SHF: variants seen among roughly 807,000 people sequenced by gnomAD.
SHF encodes the protein Src homology 2 domain containing F, also known as SH2 domain-containing adapter protein F.
Under a neutral mutation model 42.4 loss-of-function variants are expected in SHF, and 30 were observed. The observed-to-expected ratio is 0.71, with a 90% confidence interval of 0.53 to 0.96. The LOEUF is 0.96. Among genes scored for constraint, SHF ranks in the 40% least tolerant of loss-of-function variants. The probability of loss-of-function intolerance (pLI) is 0.00; values close to 1 mark genes in which losing one functional copy is unlikely to be tolerated. For synonymous variants in SHF, 264 were observed against 269.9 expected (o/e 0.98, Z 0.21); for missense variants, 598 against 634.0 (o/e 0.94, Z 0.61).
Position 45,175,330 on chromosome 15 carries a change from C to G in SHF, c.736G>C (p.Gly246Arg), listed in dbSNP as rs1405643471. 2 of 1,604,142 alleles carry G rather than the reference C, an allele frequency of 1.2e-6. No homozygotes were observed. The highest frequency in any genetic ancestry group is 1.7e-6 in the Non-Finnish European group (2 of 1,175,340). ...CGGGACTCCCGGGGCCAGGGGGCCC[C>G]CTCACCTTCCGCGGTGGCCCCATCC... Reference protein sequence around the residue: ...EEDGATAEGEGAPWPRESRLP... With the variant: ...EEDGATAEGERAPWPRESRLP... The change falls in exon 3 of 7, where the codon GGG becomes CGG. Residue 246 changes from glycine (G) to arginine (R), a missense_variant. Transcript: ENST00000690270.
intron 1 of SHF, among the ~76,000 whole-genome samples, chr15:45,182,917 T>C (rs1469223163): frequency 1.3e-5 from 2 of 152,212 alleles, no homozygotes; most frequent in African/African-American, 2.4e-5. Context: ...CTTTTCTAAT[T>C]ACAAGAACAA....
At position 45,167,583 on chromosome 15, in the gene SHF, C is replaced by G. The variant is rs1465208670; in HGVS notation, c.*364G>C. Reference sequence around the variant, plus strand: ...CCCAAGGGGCCGAATTCTGCACTACCTCGCACGGACCCAGTGGGGAGAGGG... The same window carrying G: ...CCCAAGGGGCCGAATTCTGCACTACGTCGCACGGACCCAGTGGGGAGAGGG... On this transcript the variant is annotated 3_prime_UTR_variant, in exon 7 of 7. Transcript: ENST00000690270. 3 of 172,900 alleles carry G rather than the reference C, an allele frequency of 1.7e-5. No homozygotes were observed. Among genetic ancestry groups the G allele is most frequent in the East Asian group, 1.5e-4 (1 of 6,824 alleles). The allele number at this position is 172,900 out of a possible 1,614,324, so 10.7% of individuals were successfully genotyped here.
chr15:45,185,668 A>G (rs893180955), intron 1 of SHF, among the ~76,000 whole-genome samples: 6 of 152,210 alleles, frequency 3.9e-5, no homozygotes, highest in African/African-American at 1.4e-4. Context: ...TGAACAGCAC[A>G]CAGATCACAG....
chr15:45,194,122 A>G (rs1239422195), intron 2 of SHF, among the ~76,000 whole-genome samples: 1 of 143,140 alleles, frequency 7.0e-6, no homozygotes, highest in Non-Finnish European at 1.6e-5. Flanking sequence ...AAAAAAAAAA[A>G]GGTAGGCAGC....
intron 1 of SHF, chr15:45,200,710 C>T (rs963304281): frequency 2.2e-5 from 10 of 456,074 alleles, no homozygotes; most frequent in Non-Finnish European, 4.0e-5. Flanking sequence ...GGAGGCTGCT[C>T]TTGGGGTTCC....
intron 3 of SHF, among the ~76,000 whole-genome samples, chr15:45,173,995 A>T (rs973932301): frequency 3.3e-5 from 5 of 152,150 alleles, no homozygotes; most frequent in Non-Finnish European, 7.3e-5. Flanking sequence ...GGTCCCCTTC[A>T]TTTGACCTCT....
Position 45,198,760 on chromosome 15 carries a change from T to G in SHF, c.303+12A>C. Reference sequence around the variant, plus strand: ...CCTTCCCAGTTTGCGCGTCATTAAATGGCCTACTTACGGGGCGAGGTTCCA... The same window carrying G: ...CCTTCCCAGTTTGCGCGTCATTAAAGGGCCTACTTACGGGGCGAGGTTCCA... On this transcript the variant is annotated intron_variant, in intron 2 of 7. Coordinates refer to the SHF transcript ENST00000290894. 3 of 1,603,582 alleles carry G rather than the reference T, an allele frequency of 1.9e-6. No homozygotes were observed. In the South Asian group the frequency reaches 3.3e-5, roughly 18 times the overall value.
chr15:45,179,930 C>T (rs1278844722), intron 1 of SHF, among the ~76,000 whole-genome samples: 6 of 152,130 alleles, frequency 3.9e-5, no homozygotes, highest in African/African-American at 1.2e-4. Flanking sequence ...AAAGGAACCT[C>T]TTCACCTCGG....
intron 1 of SHF, among the ~76,000 whole-genome samples, chr15:45,178,990 G>A (rs967515178): frequency 6.6e-6 from 1 of 152,250 alleles, no homozygotes; most frequent in Non-Finnish European, 1.5e-5. Context: ...AATTACTTCA[G>A]AGAAACAGTT....
At chr15:45,199,128 C>A (rs1164402180) in intron 1 of SHF, 6 of 1,469,564 alleles carry the variant, frequency 4.1e-6, no homozygotes, top group East Asian at 2.5e-5. Flanking sequence ...ACCCTAGAAC[C>A]AGGTTCCACG....
In SHF at chr15:45,187,760, TC is replaced by T; in HGVS notation, c.191del (p.Gly64GlufsTer104). On this transcript the variant is annotated frameshift_variant, in exon 1 of 7. Transcript: ENST00000690270. LOFTEE classifies it high-confidence loss of function. ...HLGFRGGGGGGGGSKPAPPEP... is the reference protein window; with the variant it reads ...HLGFRGGGGGXGGSKPAPPEP... ...CGGGGGGCGCCGGCTTGCTGCCCCCTCCGCCGCCGCCCCCCCCGCGGAAGCC... is the reference window on the plus strand; with the variant it reads ...CGGGGGGCGCCGGCTTGCTGCCCCCTCGCCGCCGCCCCCCCCGCGGAAGCC... 1.1e-6 allele frequency: 1 copy of T among 943,718 alleles called. No homozygotes were observed. The highest frequency in any genetic ancestry group is 1.4e-6 in the Non-Finnish European group (1 of 734,360). 58.5% of individuals were successfully genotyped at this position (943,718 alleles called of 1,614,324 possible).
rs1046230908 is a variant in SHF at position 45,179,168 on chromosome 15, A to G, written c.499-862T>C. On this transcript the variant is annotated intron_variant, in intron 1 of 6. Coordinates refer to ENST00000690270, the MANE Select transcript of SHF (RefSeq NM_001394037.1). Reference sequence around the variant, plus strand: ...GTCACTTTTTCAGTTCTGCTGACGGATCCTCACAACATCCCTGTCATGTGG... The same window carrying G: ...GTCACTTTTTCAGTTCTGCTGACGGGTCCTCACAACATCCCTGTCATGTGG... 8.5e-5 allele frequency among the ~76,000 whole-genome samples: 13 copies of G among 152,376 alleles called. No individual in the cohort carries two copies. In the East Asian group the frequency reaches 2.1e-3, roughly 25 times the overall value.
At chr15:45,170,450 G>C (rs1296935471) in intron 6 of SHF, 1 of 1,287,804 alleles carries the variant, frequency 7.8e-7, no homozygotes, top group Admixed American at 2.3e-5. Flanking sequence ...ATGCTTCTTT[G>C]ATTTTACAAT....
intron 6 of SHF, chr15:45,170,180 T>TA: frequency 6.1e-6 from 2 of 325,646 alleles, no homozygotes; most frequent in Non-Finnish European, 1.1e-5. Flanking sequence ...AGCCCTGGAA[T>TA]ACCATAGTTT....
In SHF at chr15:45,172,166, G is replaced by A; in HGVS notation, c.1141C>T (p.Leu381=). The change falls in exon 5 of 7, where the codon CTG becomes TTG. Residue 381 remains leucine, a synonymous_variant. Transcript: ENST00000690270. Reference sequence around the variant, plus strand: ...ACTCACACCTGGTTTTCCAGAGGCAGTGCTGGATCTGTCCACTCCCCCAGG... The same window carrying A: ...ACTCACACCTGGTTTTCCAGAGGCAATGCTGGATCTGTCCACTCCCCCAGG... The part of the protein sequence containing the change: ...SPLGEWTDPA[L]PLENQVWYHG... 1 of 1,613,956 alleles carries A rather than the reference G, an allele frequency of 6.2e-7. No homozygotes were observed. Among genetic ancestry groups the A allele is most frequent in the Non-Finnish European group, 8.5e-7 (1 of 1,179,876 alleles).
At chr15:45,200,867 A>G in exon 1 of SHF, 1 of 456,300 alleles carries the variant, frequency 2.2e-6, no homozygotes, top group Non-Finnish European at 4.4e-6. Context: ...ACTTTGGGCC[A>G]CCATTCGGGC....
intron 6 of SHF, among the ~76,000 whole-genome samples, chr15:45,169,736 G>A (rs988456017): frequency 2.0e-5 from 3 of 152,230 alleles, no homozygotes; most frequent in African/African-American, 7.2e-5. Flanking sequence ...GAGCTCAGCC[G>A]CCATCTGGAT....
intron 1 of SHF, chr15:45,200,541 C>A: frequency 2.7e-6 from 1 of 364,850 alleles, no homozygotes. Flanking sequence ...CTGTTGAAAG[C>A]CCCGCCCCCT....
At chr15:45,168,277 G>A (rs1567026422) in intron 6 of SHF, 144 bp from the exon 7 acceptor site, 1 of 790,120 alleles carries the variant, frequency 1.3e-6, no homozygotes. Flanking sequence ...GGAGGTGGAG[G>A]TCAGTCCAGA....
Sources: gnomAD v4.1 joint callset for allele counts (sites outside exome capture counted in the v4.1 genomes callset) on GRCh38, gnomAD v4.1.1 for gene constraint, MANE v1.5 for transcripts, NCBI Gene and HGNC (gene_info 2026-07-23, HGNC 2026-07-21) for gene names.